The following RFTN1 variants were observed in gnomAD, a reference collection of about 807,000 sequenced individuals.
RFTN1 encodes raftlin, lipid raft linker 1, also known as raftlin.
A neutral mutation model predicts 46.5 loss-of-function variants in RFTN1; 26 were observed. That is an observed-to-expected ratio of 0.56 (90% CI 0.41 to 0.78). RFTN1 has a LOEUF of 0.78. RFTN1 is among the 30% of genes least tolerant of loss of function. The pLI is 0.00. For synonymous variants in RFTN1, 261 were observed against 284.2 expected, an observed-to-expected ratio of 0.92 and a Z score of 0.82; for missense variants, 693 against 718.7, an observed-to-expected ratio of 0.96 and a Z score of 0.41.
At chr3:16,319,515 G>A (rs907147402) in intron 9 of RFTN1, among the ~76,000 whole-genome samples, 10 of 152,132 alleles carry the variant, frequency 6.6e-5, no homozygotes, top group Non-Finnish European at 8.8e-5. Flanking sequence ...TGTGAATAGC[G>A]CCCTCTGCTG....
At chr3:16,340,210 G>A (rs980993728) in intron 7 of RFTN1, among the ~76,000 whole-genome samples, 1 of 152,208 alleles carries the variant, frequency 6.6e-6, no homozygotes, top group Non-Finnish European at 1.5e-5. Context: ...TTGACTCTGA[G>A]CTGGTTTTGT....
intron 2 of RFTN1, among the ~76,000 whole-genome samples, chr3:16,462,968 G>T (rs1437527287): frequency 1.3e-5 from 2 of 152,352 alleles, no homozygotes; most frequent in East Asian, 1.9e-4. Context: ...GAGCAAAGAG[G>T]TTTGGTTGAA....
Position 16,509,322 on chromosome 3 carries a change from T to C in RFTN1, c.-9+4120A>G, listed in dbSNP as rs1267480070. Among the ~76,000 whole-genome samples, 1 of 152,230 alleles carries C rather than the reference T, an allele frequency of 6.6e-6. No individual in the cohort carries two copies. Among genetic ancestry groups the C allele is most frequent in the Non-Finnish European group, 1.5e-5 (1 of 68,032 alleles). ...TTGTGTATTTGGAAATCCGTGATTG[T>C]AGACAGATTTTGCCTTCAAAAAACC... On this transcript the variant is annotated intron_variant, in intron 1 of 9. Transcript: ENST00000334133. The surrounding 1 kb of genome is among the most constrained non-coding windows in gnomAD (Gnocchi z 4.9).
rs1470975679 is a variant in RFTN1 at position 16,484,604 on chromosome 3, G to A, written c.145+9121C>T. ...GCGTGTCATGGGAATGTCTTATAAG[G>A]AGGAACTTAAGAATAGAAATAGAAG... On this transcript the variant is annotated intron_variant, in intron 2 of 9. Coordinates refer to ENST00000334133, the MANE Select transcript of RFTN1 (RefSeq NM_015150.2). This position sits in a 1 kb window ranked among gnomAD's most constrained non-coding sequence, Gnocchi z 4.6. 1 of 152,192 alleles carries A rather than the reference G, an allele frequency of 6.6e-6. No individual in the cohort carries two copies. The highest frequency in any genetic ancestry group is 1.5e-5 in the Non-Finnish European group (1 of 68,036). 9.4% of individuals were successfully genotyped at this position (152,192 alleles called of 1,614,324 possible). A position where few individuals can be genotyped will look rare whatever the true frequency, so the allele number is the denominator to read the frequency against.
At chr3:16,358,876 CA>C (rs769970255) in intron 6 of RFTN1, among the ~76,000 whole-genome samples, 20 of 151,568 alleles carry the variant, frequency 1.3e-4, no homozygotes, top group Non-Finnish European at 2.7e-4. Flanking sequence ...TACTAAAATA[CA>C]AAAAATTAGC....
chr3:16,356,052 T>C lies in RFTN1; in HGVS notation c.1146+1880A>G, dbSNP rs1464185956. Among the ~76,000 whole-genome samples, 1 of 152,134 alleles carries C rather than the reference T, an allele frequency of 6.6e-6. No homozygotes were observed. Among genetic ancestry groups the C allele is most frequent in the African/African-American group, 2.4e-5 (1 of 41,404 alleles). On this transcript the variant is annotated intron_variant, in intron 7 of 9. Transcript: ENST00000334133. The surrounding 1 kb of genome is among the most constrained non-coding windows in gnomAD (Gnocchi z 4.9). ...AGCAAACTGAATGCCGGCTGCTCAG[T>C]CCTTCAGATCCTCAACTCTTGGCAT...
rs2125195972 is a variant in RFTN1 at position 16,322,458 on chromosome 3, T to C, written c.1332+918A>G. Among the ~76,000 whole-genome samples the C allele has an allele frequency of 6.6e-6, 1 of 151,766 alleles. No homozygotes were observed. Among genetic ancestry groups the C allele is most frequent in the East Asian group, 1.9e-4 (1 of 5,134 alleles). On this transcript the variant is annotated intron_variant, in intron 9 of 9. Transcript: ENST00000334133. This position sits in a 1 kb window ranked among gnomAD's most constrained non-coding sequence, Gnocchi z 6.2. ...AGGAATGCAGGAGTGATGCCAGGAGTGAGGAGCCGAGCAGGTCAGGCAGGC... is the reference window on the plus strand; with the variant it reads ...AGGAATGCAGGAGTGATGCCAGGAGCGAGGAGCCGAGCAGGTCAGGCAGGC...
rs966052359 is a variant in RFTN1, at chr3:16,507,854, TAC to T, written c.-9+5586_-9+5587del. Among the ~76,000 whole-genome samples the T allele has an allele frequency of 6.6e-6, 1 of 151,298 alleles. No homozygotes were observed. Among genetic ancestry groups the T allele is most frequent in the Non-Finnish European group, 1.5e-5 (1 of 67,806 alleles). On this transcript the variant is annotated intron_variant, in intron 1 of 9. Transcript: ENST00000334133. The surrounding 1 kb of genome is among the most constrained non-coding windows in gnomAD (Gnocchi z 7.1). ...ACACACACACATACACACATATATA[TAC>T]ACACACACATGCACACATATGAAAG...
chr3:16,342,280 A>G lies in RFTN1; in HGVS notation c.1147-15404T>C, dbSNP rs1483774950. Among the ~76,000 whole-genome samples the G allele has an allele frequency of 6.6e-6, 1 of 152,190 alleles. No individual in the cohort carries two copies. The highest frequency in any genetic ancestry group is 1.5e-5 in the Non-Finnish European group (1 of 68,042). On this transcript the variant is annotated intron_variant, in intron 7 of 9. Coordinates refer to ENST00000334133, the MANE Select transcript of RFTN1 (RefSeq NM_015150.2). The surrounding 1 kb of genome is among the most constrained non-coding windows in gnomAD (Gnocchi z 4.0). ...TGCCTCACCTGGATATTTCATATAA[A>G]TGGATTCATATAATATGTGGTCTTT... is the stretch of plus-strand genomic sequence containing the variant.
intron 2 of RFTN1, among the ~76,000 whole-genome samples, chr3:16,453,391 A>G (rs1026631968): frequency 6.6e-6 from 1 of 152,252 alleles, no homozygotes; most frequent in Non-Finnish European, 1.5e-5. Flanking sequence ...TTTTTCTACT[A>G]TACCACAGTA....
chr3:16,468,219 A>G lies in RFTN1; in HGVS notation c.145+25506T>C, dbSNP rs1015470324. Among the ~76,000 whole-genome samples the G allele has an allele frequency of 6.6e-6, 1 of 152,186 alleles. No homozygotes were observed. The highest frequency in any genetic ancestry group is 1.5e-5 in the Non-Finnish European group (1 of 68,024). On this transcript the variant is annotated intron_variant, in intron 2 of 9. Transcript: ENST00000334133. The surrounding 1 kb of genome is among the most constrained non-coding windows in gnomAD (Gnocchi z 4.4). ...TCCGTCGGCTTAATTTATGTGGCTCATTCCTCATTCCCTTTCAGCTGACAG... is the reference window on the plus strand; with the variant it reads ...TCCGTCGGCTTAATTTATGTGGCTCGTTCCTCATTCCCTTTCAGCTGACAG...
intron 2 of RFTN1, among the ~76,000 whole-genome samples, chr3:16,445,371 C>T (rs1231360595): frequency 1.3e-5 from 2 of 151,542 alleles, no homozygotes; most frequent in South Asian, 2.1e-4. Context: ...AAGGATGAGT[C>T]CCCCTCCCTC....
intron 4 of RFTN1, among the ~76,000 whole-genome samples, chr3:16,405,796 T>C (rs1201368024): frequency 6.6e-6 from 1 of 152,194 alleles, no homozygotes; most frequent in Non-Finnish European, 1.5e-5. Context: ...GAACCTGTCC[T>C]GCATGATGGT....
intron 2 of RFTN1, among the ~76,000 whole-genome samples, chr3:16,462,160 C>A (rs2076017425): frequency 6.6e-6 from 1 of 152,184 alleles, no homozygotes; most frequent in Non-Finnish European, 1.5e-5. Flanking sequence ...CTAAACCTTG[C>A]CAAGCCTGAG....
Position 16,392,992 on chromosome 3 carries a change from C to T in RFTN1, c.442-14890G>A, listed in dbSNP as rs989394801. Among the ~76,000 whole-genome samples, 44 of 152,210 alleles carry T rather than the reference C, an allele frequency of 2.9e-4. 1 individual carries two copies. The highest frequency in any genetic ancestry group is 5.7e-4 in the Non-Finnish European group (39 of 68,046). On this transcript the variant is annotated intron_variant, in intron 4 of 9. Coordinates refer to ENST00000334133, the MANE Select transcript of RFTN1 (RefSeq NM_015150.2). ...CCTGCAAGCCTTGGAAACACACAGG[C>T]TCTTGCTCTTTCATTCTATAAACAT...
chr3:16,323,292 G>T, intron 9 of RFTN1, 84 bp downstream of exon 9: 2 of 1,004,094 alleles, frequency 2.0e-6, no homozygotes, highest in Middle Eastern at 2.1e-4. Flanking sequence ...GCTGGAGCAG[G>T]CTGCCCCCTC....
intron 3 of RFTN1, among the ~76,000 whole-genome samples, chr3:16,414,632 A>G (rs60156791): frequency 0.26 from 39,656 of 151,386 alleles, 5,928 homozygotes; most frequent in Non-Finnish European, 0.33. Flanking sequence ...AGAAAAGGAA[A>G]AAAGAAACAC....
chr3:16,476,698 T>C (rs982372699), intron 2 of RFTN1, among the ~76,000 whole-genome samples: 2 of 152,182 alleles, frequency 1.3e-5, no homozygotes, highest in African/African-American at 4.8e-5. Flanking sequence ...GGTCATGTGC[T>C]ATAAGAGGTA....
chr3:16,408,420 C>T (rs2074912169), intron 4 of RFTN1, among the ~76,000 whole-genome samples: 1 of 151,996 alleles, frequency 6.6e-6, no homozygotes, highest in Non-Finnish European at 1.5e-5. Context: ...CCCTAATTGG[C>T]TGATTGGACC....
Sources: gnomAD v4.1 joint callset for allele counts (sites outside exome capture counted in the v4.1 genomes callset) on GRCh38, gnomAD v4.1.1 for gene constraint, Gnocchi (gnomAD v3.1) non-coding constraint, MANE v1.5 for transcripts, NCBI Gene and HGNC (gene_info 2026-07-23, HGNC 2026-07-21) for gene names.